Variants in KAZN observed in about 807,000 individuals in gnomAD.
The protein encoded by KAZN is kazrin.
A neutral mutation model predicts 87.4 loss-of-function variants in KAZN; 40 were observed. The observed-to-expected ratio is 0.46, with a 90% CI of 0.36 to 0.60. KAZN has a LOEUF of 0.60. KAZN is among the 20% of genes least tolerant of loss of function. The probability of loss-of-function intolerance (pLI) is 0.00; values close to 1 mark genes in which losing one functional copy is unlikely to be tolerated. For missense variants in KAZN, 898 were observed against 1,073.9 expected (o/e 0.84, Z 2.29); for synonymous variants, 466 against 458.3 (o/e 1.02, Z -0.22).
intron 2 of KAZN, among the ~76,000 whole-genome samples, chr1:14,973,478 TC>T (rs1458147786): frequency 2.0e-5 from 3 of 152,160 alleles, no homozygotes; most frequent in Admixed American, 2.0e-4. Flanking sequence ...CTGTACCCTT[TC>T]CCCACTGGCC....
chr1:13,989,821 C>A (rs962843954), intron 1 of KAZN, among the ~76,000 whole-genome samples: 2 of 152,180 alleles, frequency 1.3e-5, no homozygotes, highest in East Asian at 3.9e-4. Context: ...AGAATTGCTG[C>A]CTGCTCAGAG....
chr1:14,520,898 C>A (rs1186446885), intron 2 of KAZN, among the ~76,000 whole-genome samples: 1 of 152,198 alleles, frequency 6.6e-6, no homozygotes, highest in Non-Finnish European at 1.5e-5. Context: ...ACTGTTCATC[C>A]ATCCAGCTCC....
chr1:14,180,060 C>T (rs975719588), intron 1 of KAZN, among the ~76,000 whole-genome samples: 5 of 152,054 alleles, frequency 3.3e-5, no homozygotes, highest in African/African-American at 9.7e-5. Context: ...TCCTCTCATG[C>T]CCCGTTAATT....
At chr1:14,549,735 G>T (rs1673390785) in intron 2 of KAZN, among the ~76,000 whole-genome samples, 1 of 129,908 alleles carries the variant, frequency 7.7e-6, no homozygotes, top group African/African-American at 3.0e-5. Flanking sequence ...TCCTGGCTTT[G>T]GGCAGTGGCC....
intron 1 of KAZN, among the ~76,000 whole-genome samples, chr1:14,672,829 G>T (rs1639992250): frequency 6.6e-6 from 1 of 152,150 alleles, no homozygotes. Flanking sequence ...CCACCTCTAA[G>T]CTGCTGTCAC....
chr1:14,258,290 A>C (rs1650724232), intron 2 of KAZN, among the ~76,000 whole-genome samples: 1 of 145,626 alleles, frequency 6.9e-6, no homozygotes, highest in Non-Finnish European at 1.5e-5. Context: ...ATCTTGGCTC[A>C]CTGCAAGCTC....
Position 15,114,360 on chromosome 1 carries a change from A to G in KAZN, c.2164-111A>G, listed in dbSNP as rs957215149. On this transcript the variant is annotated intron_variant, in intron 14 of 14. Transcript: ENST00000376030. The stretch of plus-strand genomic sequence containing the variant: ...TAATAGGAGGAGCACACAGAGGTTA[A>G]GTAAGTTACTCAATCACAGAGCAAT... 2.1e-5 allele frequency: 18 copies of G among 863,590 alleles called. No individual in the cohort carries two copies. In the South Asian group the frequency reaches 3.1e-4, roughly 15 times the overall value. 53.5% of individuals were successfully genotyped at this position (863,590 alleles called of 1,614,324 possible). A position where few individuals can be genotyped will look rare whatever the true frequency, so the allele number is the denominator to read the frequency against.
intron 1 of KAZN, among the ~76,000 whole-genome samples, chr1:13,949,708 G>A (rs552292080): frequency 6.6e-6 from 1 of 152,314 alleles, no homozygotes; most frequent in South Asian, 2.1e-4. Context: ...TGATGGAGAA[G>A]TAATCTGGGT....
At chr1:14,060,609 G>A (rs1642758298) in intron 1 of KAZN, among the ~76,000 whole-genome samples, 1 of 152,140 alleles carries the variant, frequency 6.6e-6, no homozygotes. Context: ...CTTTTCTTCT[G>A]CCTCACTGCC....
chr1:14,621,431 C>G (rs894791860), intron 1 of KAZN, among the ~76,000 whole-genome samples: 2 of 152,230 alleles, frequency 1.3e-5, no homozygotes, highest in African/African-American at 4.8e-5. Context: ...TAATGAATCT[C>G]TATTCTGCTA....
intron 1 of KAZN, among the ~76,000 whole-genome samples, chr1:14,869,752 T>C (rs1470871690): frequency 6.6e-6 from 1 of 152,218 alleles, no homozygotes; most frequent in African/African-American, 2.4e-5. Context: ...TTCTCCTTCG[T>C]GTTGGCAAAT....
chr1:14,604,653 T>C (rs188067417), intron 1 of KAZN, among the ~76,000 whole-genome samples: 38 of 152,322 alleles, frequency 2.5e-4, no homozygotes, highest in Admixed American at 1.2e-3. Flanking sequence ...AGAACAACTG[T>C]TTGAGCAGGT....
intron 1 of KAZN, among the ~76,000 whole-genome samples, chr1:14,722,157 A>AT (rs199525368): frequency 8.3e-6 from 1 of 121,160 alleles, no homozygotes; most frequent in South Asian, 3.2e-4. Flanking sequence ...TCTCAAAAAA[A>AT]AAAAAGAATA....
chr1:14,669,415 A>C (rs559915210), intron 1 of KAZN, among the ~76,000 whole-genome samples: 1 of 151,904 alleles, frequency 6.6e-6, no homozygotes, highest in East Asian at 1.9e-4. Flanking sequence ...AGGTTGAAAA[A>C]CCCTGCTCTA....
At chr1:14,755,208 G>A (rs763574951) in intron 1 of KAZN, among the ~76,000 whole-genome samples, 9 of 152,026 alleles carry the variant, frequency 5.9e-5, no homozygotes, top group Non-Finnish European at 1.3e-4. Flanking sequence ...AGCCAAGACT[G>A]TGCAACTGCA....
At chr1:14,085,892 G>A (rs1277331080) in intron 1 of KAZN, among the ~76,000 whole-genome samples, 1 of 152,028 alleles carries the variant, frequency 6.6e-6, no homozygotes, top group Non-Finnish European at 1.5e-5. Context: ...GAGAATTTCA[G>A]TTTTTCCACA....
intron 2 of KAZN, among the ~76,000 whole-genome samples, chr1:14,473,400 G>T (rs1339610659): frequency 6.6e-6 from 1 of 152,072 alleles, no homozygotes; most frequent in Non-Finnish European, 1.5e-5. Flanking sequence ...AGGCCGAGGT[G>T]GACAGATCAT....
intron 2 of KAZN, among the ~76,000 whole-genome samples, chr1:14,342,202 T>C (rs1222677435): frequency 6.6e-6 from 1 of 152,222 alleles, no homozygotes. Context: ...TTCCGTGGTG[T>C]ATGTGTACCA....
At chr1:14,197,551 G>C (rs1646553590) in intron 2 of KAZN, among the ~76,000 whole-genome samples, 1 of 152,046 alleles carries the variant, frequency 6.6e-6, no homozygotes, top group Non-Finnish European at 1.5e-5. Flanking sequence ...AGCCAGGCGT[G>C]GTGGCACGTG....
Sources: allele counts gnomAD v4.1 joint callset (sites outside exome capture counted in the v4.1 genomes callset), GRCh38; gene constraint gnomAD v4.1.1; transcripts MANE v1.5; gene names NCBI Gene and HGNC (gene_info 2026-07-23, HGNC 2026-07-21).